The following PMS2 variants were observed in gnomAD, a reference collection of about 807,000 sequenced individuals.
The protein encoded by PMS2 is mismatch repair endonuclease PMS2.
Under a neutral mutation model 90.0 loss-of-function variants are expected in PMS2, and 69 were observed. That is an observed-to-expected ratio of 0.77 (90% CI 0.63 to 0.94). The LOEUF (loss-of-function observed/expected upper bound fraction) is 0.94. PMS2 is among the 40% of genes least tolerant of loss of function. PMS2 has a pLI of 0.00. For missense variants in PMS2, 966 were observed against 1,040.2 expected (o/e 0.93, Z 0.98); for synonymous variants, 332 against 375.1 (o/e 0.89, Z 1.33).
intron 11 of PMS2, among the ~76,000 whole-genome samples, chr7:5,984,979 T>A (rs1159959335): frequency 6.6e-6 from 1 of 151,782 alleles, no homozygotes; most frequent in African/African-American, 2.4e-5. Context: ...AGAGCTCAAA[T>A]CCAAGTCATA....
At chr7:5,989,095 C>T (rs557974718) in intron 10 of PMS2, among the ~76,000 whole-genome samples, 1 of 152,238 alleles carries the variant, frequency 6.6e-6, no homozygotes, top group East Asian at 1.9e-4. Flanking sequence ...CGTGAGCCGC[C>T]CGCCTTGGCC....
At chr7:5,979,147 A>AGCCAAGAT (rs1393935511) in intron 12 of PMS2, among the ~76,000 whole-genome samples, 2 of 138,220 alleles carry the variant, frequency 1.4e-5, no homozygotes, top group African/African-American at 5.5e-5. Flanking sequence ...TTGTAGTGAG[A>AGCCAAGAT]GCCAAGATCA....
intron 8 of PMS2, among the ~76,000 whole-genome samples, chr7:5,995,157 C>A (rs1366190734): frequency 2.0e-5 from 3 of 152,146 alleles, no homozygotes; most frequent in Admixed American, 6.6e-5. Context: ...CCTGCCTCAG[C>A]CTCCCATGTA....
chr7:6,005,944 A>G lies in PMS2; in HGVS notation c.111T>C (p.Thr37=), dbSNP rs1583418955. The G allele has an allele frequency of 6.2e-7, 1 of 1,610,776 alleles. No homozygotes were observed. The highest frequency in any genetic ancestry group is 1.3e-5 in the African/African-American group (1 of 74,862). ...CSGQVVLSLS[T]AVKELVENSL... Reference sequence around the variant, plus strand: ...TGTTTTCTACTAACTCCTTTACCGCAGTGCTTAGACTCAGTACCACCTGCC... The same window carrying G: ...TGTTTTCTACTAACTCCTTTACCGCGGTGCTTAGACTCAGTACCACCTGCC... Residue 37 remains threonine (T), a synonymous_variant, in exon 2 of 15, where the codon ACT becomes ACC. Coordinates refer to ENST00000265849, the MANE Select transcript of PMS2 (RefSeq NM_000535.7).
chr7:5,982,124 TCCTA>T (rs1782344247), intron 12 of PMS2, among the ~76,000 whole-genome samples: 1 of 151,672 alleles, frequency 6.6e-6, no homozygotes, highest in African/African-American at 2.4e-5. Flanking sequence ...CAAGCGATTC[TCCTA>T]CCTCAGTCTC....
intron 8 of PMS2, among the ~76,000 whole-genome samples, chr7:5,994,081 A>G (rs904014497): frequency 3.3e-5 from 5 of 151,650 alleles, no homozygotes; most frequent in Non-Finnish European, 7.4e-5. Flanking sequence ...ACGTATATGC[A>G]ATTTAAAAAA....
chr7:5,999,635 T>TA (rs1285880120), intron 5 of PMS2, among the ~76,000 whole-genome samples: 1,520 of 147,130 alleles, frequency 0.01, 14 homozygotes, highest in Middle Eastern at 0.042. Flanking sequence ...TACAAAAAAT[T>TA]TAAAAAAAAA....
intron 5 of PMS2, among the ~76,000 whole-genome samples, chr7:6,000,377 TAAA>T (rs67186373): frequency 3.8e-4 from 47 of 122,796 alleles, no homozygotes; most frequent in African/African-American, 6.5e-4. Context: ...CTGTCTCAAT[TAAA>T]AAAAAAAAAA....
In PMS2 at chr7:5,987,059, G is replaced by T; in HGVS notation, c.1706C>A (p.Thr569Asn). Residue 569 changes from threonine (T) to asparagine (N), a missense_variant, in exon 11 of 15, where the codon ACT becomes AAT. Thr to Asn is a moderately conservative substitution (Grantham distance 65, BLOSUM62 0). Around this residue, in one of 2 missense-constraint regions of PMS2, gnomAD observed 871 missense variants for 802.4 expected, o/e 1.09. Coordinates refer to ENST00000265849, the MANE Select transcript of PMS2 (RefSeq NM_000535.7). ...CTTTGTGTTTGGGGTTGCGAGATTA[G>T]TTGGCTGAGGCAAAACTCGAAATTT... ...GCKFRVLPQPTNLATPNTKRF... is the reference protein window; with the variant it reads ...GCKFRVLPQPNNLATPNTKRF... 1 of 1,614,190 alleles carries T rather than the reference G, an allele frequency of 6.2e-7. No individual in the cohort carries two copies. The highest frequency in any genetic ancestry group is 2.2e-5 in the East Asian group (1 of 44,886).
intron 8 of PMS2, among the ~76,000 whole-genome samples, chr7:5,992,391 C>T (rs939702357): frequency 6.6e-6 from 1 of 151,394 alleles, no homozygotes; most frequent in Non-Finnish European, 1.5e-5. Flanking sequence ...ACGATCTTGG[C>T]TCACTGCAAC....
chr7:5,990,474 G>A (rs1029470065), intron 9 of PMS2, among the ~76,000 whole-genome samples: 9 of 152,188 alleles, frequency 5.9e-5, no homozygotes, highest in East Asian at 3.9e-4. Context: ...GACAAAATAC[G>A]GAAGGGCTTA....
rs587782513 is a variant in PMS2 at position 5,992,023 on chromosome 7, T to C, written c.938A>G (p.Tyr313Cys). 6.2e-7 allele frequency: 1 copy of C among 1,602,494 alleles called. No individual in the cohort carries two copies. Reference sequence around the variant, plus strand: ...AACAAATGGATACTGGTGTCGATTATACATGTGGTAGACCTCATTCACGAG... The same window carrying C: ...AACAAATGGATACTGGTGTCGATTACACATGTGGTAGACCTCATTCACGAG... ...CRLVNEVYHM[Y>C]NRHQYPFVVL... is the part of the protein sequence containing the mutation. Residue 313 changes from tyrosine to cysteine, a missense_variant, in exon 9 of 15, where the codon TAT becomes TGT. Transcript: ENST00000265849.
intron 7 of PMS2, among the ~76,000 whole-genome samples, chr7:5,996,964 C>T (rs1207394624): frequency 6.6e-6 from 1 of 152,086 alleles, no homozygotes; most frequent in Non-Finnish European, 1.5e-5. Flanking sequence ...CCTGTAATCC[C>T]AGCACTTTGG....
At chr7:5,989,977 A>G (rs1376298438) in intron 9 of PMS2, 22 bp from the exon 10 acceptor site, 3 of 1,457,932 alleles carry the variant, frequency 2.1e-6, no homozygotes, top group Non-Finnish European at 1.9e-6. Flanking sequence ...AAGAAAACAT[A>G]TTTATTATGT....
chr7:5,979,201 CA>C (rs60152367), intron 12 of PMS2, among the ~76,000 whole-genome samples: 66 of 49,460 alleles, frequency 1.3e-3, no homozygotes, highest in Admixed American at 3.5e-3. Context: ...GACTCTGTCT[CA>C]AAAAAAAAAA....
rs786201073 is a variant in PMS2 at position 6,002,594 on chromosome 7, T to G, written c.396A>C (p.Gly132=). Residue 132 remains glycine (G), a synonymous_variant, in exon 5 of 15, where the codon GGA becomes GGC. Coordinates refer to ENST00000265849, the MANE Select transcript of PMS2 (RefSeq NM_000535.7). ...CATTGTGATCAAACATCAGTCGAGT[T>G]CCAACCTTCGCCGATGCGTGGCAGG... ...ISTCHASAKV[G]TRLMFDHNGK... is the part of the protein sequence containing the mutation. The G allele has an allele frequency of 6.2e-7, 1 of 1,611,970 alleles. No individual in the cohort carries two copies. The highest frequency in any genetic ancestry group is 1.3e-5 in the African/African-American group (1 of 74,980).
chr7:6,003,057 G>A (rs929679744), intron 4 of PMS2, among the ~76,000 whole-genome samples: 8 of 151,990 alleles, frequency 5.3e-5, no homozygotes, highest in Non-Finnish European at 8.8e-5. Context: ...ACTTTGGGAG[G>A]CCAAGGCAGG....
At chr7:5,993,149 T>C (rs569035686) in intron 8 of PMS2, among the ~76,000 whole-genome samples, 6 of 151,984 alleles carry the variant, frequency 3.9e-5, no homozygotes, top group African/African-American at 1.4e-4. Flanking sequence ...GGCAGGTGGA[T>C]TGCCTGAGCT....
intron 4 of PMS2, chr7:6,003,387 C>A: frequency 4.2e-6 from 1 of 238,218 alleles, no homozygotes; most frequent in Admixed American, 5.1e-5. Context: ...AAATGTTTCC[C>A]TAAAAATTGA....
Sources: allele counts gnomAD v4.1 joint callset (sites outside exome capture counted in the v4.1 genomes callset), GRCh38; gene constraint gnomAD v4.1.1; regional missense constraint gnomAD v4.1.1; transcripts MANE v1.5; gene names NCBI Gene and HGNC (gene_info 2026-07-23, HGNC 2026-07-21).